Variants in RPS6KA3 observed in about 807,000 individuals in gnomAD.
The protein encoded by RPS6KA3 is ribosomal protein S6 kinase A3, also known as ribosomal protein S6 kinase alpha-3.
Under a neutral mutation model 67.2 loss-of-function variants are expected in RPS6KA3, and 4 were observed. The observed-to-expected ratio is 0.06, with a 90% confidence interval of 0.03 to 0.14. The LOEUF (loss-of-function observed/expected upper bound fraction) is 0.14, where lower values mean the gene tolerates loss of function less well. Ranked by LOEUF, RPS6KA3 falls within the 10% of genes least tolerant of loss-of-function variation. RPS6KA3 has a pLI of 1.00. For missense variants in RPS6KA3, 204 were observed against 559.0 expected (o/e 0.36, Z 6.40); for synonymous variants, 182 against 183.7 (o/e 0.99, Z 0.07).
intron 10 of RPS6KA3, among the ~76,000 whole-genome samples, chrX:20,177,785 G>C (rs767397990): frequency 8.9e-6 from 1 of 112,140 alleles, no homozygotes; most frequent in African/African-American, 3.2e-5. Context: ...AAGCTGCTAA[G>C]AGAACATGTG....
At chrX:20,215,466 C>T (rs180827620) in intron 2 of RPS6KA3, among the ~76,000 whole-genome samples, 1 of 111,912 alleles carries the variant, frequency 8.9e-6, no homozygotes, top group East Asian at 2.8e-4. Flanking sequence ...ATCCTGAACA[C>T]GCTTTTCTGT....
intron 1 of RPS6KA3, among the ~76,000 whole-genome samples, chrX:20,255,096 A>G (rs139485790): frequency 0.012 from 1,388 of 112,630 alleles, 13 homozygotes; most frequent in Middle Eastern, 0.023. Flanking sequence ...ACGTCCATCA[A>G]CTGATAAATG....
chrX:20,167,015 GCCGCCTTGTTTTAA>G (rs934517363), intron 17 of RPS6KA3, among the ~76,000 whole-genome samples: 1 of 110,859 alleles, frequency 9.0e-6, no homozygotes, highest in African/African-American at 3.3e-5. Flanking sequence ...ACTGCACCCG[GCCGCCTTGTTTTAA>G]AAATACGATT....
chrX:20,155,714 T>A (rs1407880631), intron 21 of RPS6KA3, among the ~76,000 whole-genome samples, 194 bp from the exon 22 acceptor site: 2 of 111,887 alleles, frequency 1.8e-5, no homozygotes, highest in Non-Finnish European at 3.8e-5. Context: ...AAATTATGTA[T>A]GAGAGAGAAC....
intron 2 of RPS6KA3, among the ~76,000 whole-genome samples, chrX:20,216,506 T>C (rs2068854064): frequency 9.1e-6 from 1 of 110,403 alleles, no homozygotes; most frequent in Non-Finnish European, 1.9e-5. Context: ...AATAGGTAAA[T>C]AAAGGTTAGA....
Position 20,177,012 on chromosome X carries a change from A to G in RPS6KA3, c.918T>C (p.Asn306=), listed in dbSNP as rs768203614. 1 of 1,202,541 alleles carries G rather than the reference A, an allele frequency of 8.3e-7. No homozygotes were observed. The highest frequency in any genetic ancestry group is 1.8e-5 in the South Asian group (1 of 56,719). The change falls in exon 11 of 22, where the codon AAT becomes AAC. Residue 306 remains asparagine, a synonymous_variant. Transcript: ENST00000379565. ...QSLLRMLFKR[N]PANRLGAGPD... ...AATTTTTACCTAATCTGTTTGCAGG[A>G]TTTCGCTTGAAAAGCATTCGTAAAA...
chrX:20,156,824 CTG>C (rs1349534974), intron 20 of RPS6KA3, among the ~76,000 whole-genome samples: 1 of 111,236 alleles, frequency 9.0e-6, no homozygotes, highest in Non-Finnish European at 1.9e-5. Flanking sequence ...ATGTGAACCA[CTG>C]TGCTTGGCCA....
chrX:20,198,958 G>T (rs184947655), intron 4 of RPS6KA3, among the ~76,000 whole-genome samples: 7 of 110,705 alleles, frequency 6.3e-5, no homozygotes, highest in Admixed American at 1.9e-4. Context: ...TGCAACCTCC[G>T]CCTCCTGGGT....
intron 1 of RPS6KA3, among the ~76,000 whole-genome samples, chrX:20,258,027 T>C (rs1056762123): frequency 8.9e-6 from 1 of 112,128 alleles, no homozygotes; most frequent in African/African-American, 3.2e-5. Context: ...ATGTTAAATA[T>C]TTGTTTTTAG....
chrX:20,218,689 T>C, intron 2 of RPS6KA3: 1 of 556,280 alleles, frequency 1.8e-6, no homozygotes, highest in Non-Finnish European at 2.9e-6. Flanking sequence ...AGGTTTTGAA[T>C]TTTGAAAAGC....
intron 16 of RPS6KA3, among the ~76,000 whole-genome samples, chrX:20,168,658 C>T (rs918539035): frequency 9.0e-6 from 1 of 111,433 alleles, no homozygotes; most frequent in African/African-American, 3.3e-5. Context: ...AATATTAACA[C>T]TGAACATTTA....
intron 1 of RPS6KA3, among the ~76,000 whole-genome samples, chrX:20,265,305 C>A (rs775494010): frequency 2.7e-5 from 3 of 111,671 alleles, no homozygotes; most frequent in East Asian, 5.6e-4. Context: ...TCCATTATAC[C>A]GGAGAATGCA....
intron 1 of RPS6KA3, among the ~76,000 whole-genome samples, chrX:20,256,738 T>G (rs766024480): frequency 8.9e-6 from 1 of 111,972 alleles, no homozygotes; most frequent in Non-Finnish European, 1.9e-5. Context: ...TTAAGCACTG[T>G]CTCTATTGTG....
At chrX:20,209,474 A>T in intron 2 of RPS6KA3, 70 bp from the exon 3 acceptor site, 1 of 572,564 alleles carries the variant, frequency 1.7e-6, no homozygotes, top group Non-Finnish European at 3.1e-6. Context: ...AAAATCAAAC[A>T]ATATTAATTT....
chrX:20,198,984 G>C (rs1025868684), intron 4 of RPS6KA3, among the ~76,000 whole-genome samples: 1 of 110,976 alleles, frequency 9.0e-6, no homozygotes, highest in Non-Finnish European at 1.9e-5. Flanking sequence ...CGATTCTCCT[G>C]TCTCAGGCTC....
chrX:20,231,533 T>TA (rs906805537), intron 2 of RPS6KA3, among the ~76,000 whole-genome samples: 1 of 111,475 alleles, frequency 9.0e-6, no homozygotes, highest in Non-Finnish European at 1.9e-5. Flanking sequence ...TTACCACATT[T>TA]AAAAAAACAT....
At chrX:20,187,785 A>C in intron 9 of RPS6KA3, 43 bp downstream of exon 9, 1 of 1,104,529 alleles carries the variant, frequency 9.1e-7, no homozygotes. Flanking sequence ...TCCTCACTTA[A>C]CAATCTCCTT....
At chrX:20,162,208 T>C (rs765654032) in intron 19 of RPS6KA3, among the ~76,000 whole-genome samples, 44 of 108,264 alleles carry the variant, frequency 4.1e-4, no homozygotes, top group Non-Finnish European at 7.5e-4. Flanking sequence ...TGATAGTGCG[T>C]GCCTGTAGTC....
intron 19 of RPS6KA3, among the ~76,000 whole-genome samples, chrX:20,162,112 C>T (rs1429584294): frequency 3.7e-5 from 4 of 107,693 alleles, no homozygotes; most frequent in Non-Finnish European, 7.7e-5. Flanking sequence ...CCGAGGTGGG[C>T]GGATCACGAG....
Sources: gnomAD v4.1 joint callset for allele counts (sites outside exome capture counted in the v4.1 genomes callset) on GRCh38, gnomAD v4.1.1 for gene constraint, MANE v1.5 for transcripts, NCBI Gene and HGNC (gene_info 2026-07-23, HGNC 2026-07-21) for gene names.